The following KLHL1 variants were observed in gnomAD, a reference collection of about 807,000 sequenced individuals.
The protein encoded by KLHL1 is kelch-like protein 1.
Under a neutral mutation model 77.7 loss-of-function variants are expected in KLHL1, and 47 were observed. The observed-to-expected ratio is 0.60, with a 90% CI of 0.48 to 0.77. The LOEUF is 0.77. KLHL1 is among the 30% of genes least tolerant of loss of function. The probability of loss-of-function intolerance (pLI) is 0.00; values close to 1 mark genes in which losing one functional copy is unlikely to be tolerated. For missense variants in KLHL1, 925 were observed against 910.8 expected (o/e 1.02, Z -0.20); for synonymous variants, 360 against 325.2 (o/e 1.11, Z -1.15).
intron 5 of KLHL1, among the ~76,000 whole-genome samples, chr13:69,872,053 C>T (rs148918039): frequency 5.2e-4 from 79 of 152,258 alleles, no homozygotes; most frequent in African/African-American, 1.8e-3. Flanking sequence ...CTATAAAGGA[C>T]TACCTGAGGC....
chr13:69,934,969 T>TATATATATATATATATATATATAC (rs1883127528), intron 4 of KLHL1, among the ~76,000 whole-genome samples: 1 of 48,570 alleles, frequency 2.1e-5, no homozygotes, highest in African/African-American at 6.5e-5. Context: ...TGTGTATATA[T>TATATATATATATATATATATATAC]ATATATATAT....
At position 69,953,290 on chromosome 13, in the gene KLHL1, C is replaced by T. The variant is rs576534194; in HGVS notation, c.817+8018G>A. 1.6e-3 allele frequency among the ~76,000 whole-genome samples: 243 copies of T among 151,138 alleles called. 1 individual carries two copies. The highest frequency in any genetic ancestry group is 5.7e-3 in the African/African-American group (237 of 41,408). Reference sequence around the variant, plus strand: ...TTCCTCAGGCTACTCATTTGATGTACAACAATATTAATTGTAAGAAAAAAA... The same window carrying T: ...TTCCTCAGGCTACTCATTTGATGTATAACAATATTAATTGTAAGAAAAAAA... On this transcript the variant is annotated intron_variant, in intron 3 of 10. Coordinates refer to ENST00000377844, the MANE Select transcript of KLHL1 (RefSeq NM_020866.3).
chr13:69,722,153 T>A (rs1873094629), intron 8 of KLHL1, among the ~76,000 whole-genome samples: 1 of 152,052 alleles, frequency 6.6e-6, no homozygotes, highest in Admixed American at 6.6e-5. Flanking sequence ...TGATATGAAC[T>A]TCTTATTCTC....
At chr13:70,081,530 G>A (rs962482032) in intron 1 of KLHL1, among the ~76,000 whole-genome samples, 1 of 152,180 alleles carries the variant, frequency 6.6e-6, no homozygotes, top group Non-Finnish European at 1.5e-5. Context: ...GGCTGCTCTC[G>A]ATTCCTGGAG....
intron 6 of KLHL1, among the ~76,000 whole-genome samples, chr13:69,838,540 C>G (rs1244162435): frequency 6.6e-6 from 1 of 151,646 alleles, no homozygotes; most frequent in African/African-American, 2.4e-5. Context: ...TAACTTTCAC[C>G]ATTCTTATAC....
chr13:69,921,275 T>C (rs1450532193), intron 4 of KLHL1, among the ~76,000 whole-genome samples: 1 of 152,208 alleles, frequency 6.6e-6, no homozygotes, highest in Non-Finnish European at 1.5e-5. Flanking sequence ...TTATAATGAA[T>C]GTCTCTTGTA....
chr13:69,768,700 AATT>A (rs1262241982), intron 7 of KLHL1, among the ~76,000 whole-genome samples: 4 of 152,160 alleles, frequency 2.6e-5, no homozygotes, highest in Admixed American at 2.6e-4. Context: ...AAAACCTAGT[AATT>A]ATTAATAACT....
In KLHL1 at chr13:69,765,380, A is replaced by C. The variant is rs555452061; in HGVS notation, c.1640-24824T>G. 2.6e-5 allele frequency among the ~76,000 whole-genome samples: 4 copies of C among 152,308 alleles called. No individual in the cohort carries two copies. The South Asian group carries it at 8.3e-4, about 32-fold the overall frequency. On this transcript the variant is annotated intron_variant, in intron 7 of 10. Coordinates refer to ENST00000377844, the MANE Select transcript of KLHL1 (RefSeq NM_020866.3). ...TATACTAATAGATATCTTATACAAA[A>C]TATTAAAGACCATGTCTCAGACCAT...
At chr13:69,842,264 T>C (rs1879293845) in intron 5 of KLHL1, among the ~76,000 whole-genome samples, 1 of 151,670 alleles carries the variant, frequency 6.6e-6, no homozygotes, top group African/African-American at 2.4e-5. Flanking sequence ...GAAAATCTGC[T>C]TAATGGGAGA....
At position 69,701,650 on chromosome 13, in the gene KLHL1, TA is replaced by T; in HGVS notation, c.*51del. The T allele has an allele frequency of 7.6e-7, 1 of 1,323,282 alleles. No homozygotes were observed. Among genetic ancestry groups the T allele is most frequent in the Non-Finnish European group, 1.1e-6 (1 of 928,484 alleles). 82.0% of individuals were successfully genotyped at this position (1,323,282 alleles called of 1,614,324 possible). ...AAGTTCTCATTCTTGCCATTCAATA[TA>T]AAAATAACCACTCCAGCAAGTAAAA... On this transcript the variant is annotated 3_prime_UTR_variant, in exon 11 of 11. Transcript: ENST00000377844.
intron 7 of KLHL1, among the ~76,000 whole-genome samples, chr13:69,767,608 A>G (rs1300505030): frequency 2.0e-5 from 3 of 152,210 alleles, no homozygotes; most frequent in Non-Finnish European, 2.9e-5. Flanking sequence ...TTAAATTAAA[A>G]TTAATTTTGC....
intron 7 of KLHL1, among the ~76,000 whole-genome samples, chr13:69,788,044 C>T (rs1328986282): frequency 2.0e-5 from 3 of 152,180 alleles, no homozygotes; most frequent in African/African-American, 7.2e-5. Context: ...GAAATAGGAA[C>T]ACTTTTACAC....
chr13:70,023,080 T>C (rs1159772320), intron 1 of KLHL1, among the ~76,000 whole-genome samples: 1 of 151,978 alleles, frequency 6.6e-6, no homozygotes, highest in Non-Finnish European at 1.5e-5. Context: ...TTATTCACTA[T>C]ACCTAGAGTG....
intron 5 of KLHL1, among the ~76,000 whole-genome samples, chr13:69,878,784 A>G (rs1046834395): frequency 1.3e-5 from 2 of 152,098 alleles, no homozygotes; most frequent in African/African-American, 2.4e-5. Context: ...TCATGCTGCT[A>G]TAAAGACACA....
intron 1 of KLHL1, among the ~76,000 whole-genome samples, chr13:70,102,812 A>G (rs1173727069): frequency 1.3e-5 from 2 of 152,228 alleles, no homozygotes; most frequent in Admixed American, 1.3e-4. Context: ...CAACATGCTA[A>G]CTGGCAAAAA....
intron 7 of KLHL1, among the ~76,000 whole-genome samples, chr13:69,776,215 C>T (rs1875823538): frequency 6.6e-6 from 1 of 152,038 alleles, no homozygotes; most frequent in African/African-American, 2.4e-5. Context: ...TATTTAACCT[C>T]CACAAAACAT....
chr13:69,835,681 A>G (rs1036210487), intron 6 of KLHL1, among the ~76,000 whole-genome samples: 1 of 152,118 alleles, frequency 6.6e-6, no homozygotes, highest in Non-Finnish European at 1.5e-5. Flanking sequence ...TTAAAATAAT[A>G]TTACCTGACA....
chr13:69,818,411 G>A (rs1878209268), intron 6 of KLHL1, among the ~76,000 whole-genome samples: 1 of 151,674 alleles, frequency 6.6e-6, no homozygotes, highest in South Asian at 2.1e-4. Flanking sequence ...AGTAGAGATG[G>A]GGTTTCACCA....
chr13:69,976,748 C>T (rs754205512), intron 1 of KLHL1, among the ~76,000 whole-genome samples: 4 of 151,944 alleles, frequency 2.6e-5, no homozygotes, highest in Admixed American at 6.6e-5. Context: ...TGACTAAATC[C>T]CTCTCCACGA....
Sources: allele counts gnomAD v4.1 joint callset (sites outside exome capture counted in the v4.1 genomes callset), GRCh38; gene constraint gnomAD v4.1.1; transcripts MANE v1.5; gene names NCBI Gene and HGNC (gene_info 2026-07-23, HGNC 2026-07-21).